FCRL2: variants seen among roughly 807,000 people sequenced by gnomAD.
The protein encoded by FCRL2 is Fc receptor-like protein 2.
Under a neutral mutation model 59.8 loss-of-function variants are expected in FCRL2, and 48 were observed. The observed-to-expected ratio is 0.80, with a 90% CI of 0.64 to 1.02. The LOEUF is 1.02. Ranked by LOEUF, FCRL2 falls within the 50% of genes least tolerant of loss-of-function variation. FCRL2 has a pLI of 0.00. For missense variants in FCRL2, 658 were observed against 597.3 expected (o/e 1.10, Z -1.06); for synonymous variants, 251 against 229.5 (o/e 1.09, Z -0.85).
intron 1 of FCRL2, among the ~76,000 whole-genome samples, 156 bp from the exon 2 acceptor site, chr1:157,775,951 C>A (rs757426871): frequency 6.6e-6 from 1 of 152,176 alleles, no homozygotes; most frequent in South Asian, 2.1e-4. Flanking sequence ...CAATCTCCCT[C>A]GAGCACACAT....
rs551667549 is a variant in FCRL2, at chr1:157,765,222, C to A, written c.1279+1633G>T. Among the ~76,000 whole-genome samples the A allele has an allele frequency of 1.1e-4, 16 of 152,232 alleles. No homozygotes were observed. In the South Asian group the frequency reaches 3.3e-3, roughly 32 times the overall value. The stretch of plus-strand genomic sequence containing the variant: ...AGATGGATAAATTCCTGGAAACATA[C>A]AATTTACCAAGATTGAATCAGGCAG... On this transcript the variant is annotated intron_variant, in intron 7 of 11. Coordinates refer to ENST00000361516, the MANE Select transcript of FCRL2 (RefSeq NM_030764.4).
intron 2 of FCRL2, among the ~76,000 whole-genome samples, chr1:157,771,414 C>A (rs1650010708): frequency 6.6e-6 from 1 of 152,162 alleles, no homozygotes; most frequent in Non-Finnish European, 1.5e-5. Flanking sequence ...CCAGATAAAA[C>A]CATCAAGTGG....
In FCRL2 at chr1:157,770,004, C is replaced by A. The variant is rs777986999; in HGVS notation, c.457G>T (p.Gly153Trp). The A allele has an allele frequency of 6.2e-7, 1 of 1,614,164 alleles. No homozygotes were observed. Among genetic ancestry groups the A allele is most frequent in the South Asian group, 1.1e-5 (1 of 91,078 alleles). Residue 153 changes from glycine to tryptophan, a missense_variant, in exon 4 of 12, where the codon GGG becomes TGG. Transcript: ENST00000361516. ...TCCGGAGAGCTGCTCCAGCCTGACC[C>A]CAGGACCTGGTTTTCTCTGAAGAAG... ...FCFFRENQVLGSGWSSSPELQ... is the reference protein window; with the variant it reads ...FCFFRENQVLWSGWSSSPELQ...
At chr1:157,757,888 G>A (rs1648723998) in intron 7 of FCRL2, among the ~76,000 whole-genome samples, 1 of 152,222 alleles carries the variant, frequency 6.6e-6, no homozygotes, top group African/African-American at 2.4e-5. Context: ...CGTGAACCCA[G>A]GAGGCAGAGC....
chr1:157,770,770 C>A, intron 2 of FCRL2, 104 bp from the exon 3 acceptor site: 1 of 1,264,316 alleles, frequency 7.9e-7, no homozygotes. Flanking sequence ...CTTCTTTAAA[C>A]AAGATGGAAG....
At chr1:157,750,259 A>G (rs1648088786) in intron 7 of FCRL2, among the ~76,000 whole-genome samples, 1 of 152,210 alleles carries the variant, frequency 6.6e-6, no homozygotes, top group Non-Finnish European at 1.5e-5. Flanking sequence ...GTGTTTAAAG[A>G]GAATCCTCAT....
At chr1:157,774,957 TA>T (rs1428419099) in intron 2 of FCRL2, among the ~76,000 whole-genome samples, 2 of 152,174 alleles carry the variant, frequency 1.3e-5, no homozygotes, top group Non-Finnish European at 2.9e-5. Flanking sequence ...ATTCTGTATA[TA>T]GAATAAAATA....
chr1:157,763,592 C>G (rs1453434033), intron 7 of FCRL2, among the ~76,000 whole-genome samples: 1 of 152,006 alleles, frequency 6.6e-6, no homozygotes, highest in Non-Finnish European at 1.5e-5. Context: ...AAAATGTTGC[C>G]CAACTCTGTG....
intron 6 of FCRL2, 102 bp downstream of exon 6, chr1:157,767,129 C>T: frequency 1.4e-6 from 2 of 1,428,660 alleles, no homozygotes; most frequent in Non-Finnish European, 1.9e-6. Context: ...AGCCACTGGA[C>T]ACTGAGATCA....
intron 2 of FCRL2, among the ~76,000 whole-genome samples, chr1:157,772,330 G>A (rs1650086527): frequency 6.6e-6 from 1 of 152,148 alleles, no homozygotes; most frequent in Non-Finnish European, 1.5e-5. Context: ...GAGACTTTGA[G>A]TTGGTCGTTA....
chr1:157,748,071 C>G (rs1427480641), intron 10 of FCRL2, among the ~76,000 whole-genome samples: 2 of 152,004 alleles, frequency 1.3e-5, no homozygotes, highest in Non-Finnish European at 2.9e-5. Flanking sequence ...CCAGGTGTCT[C>G]TTGCTCCCTC....
rs535685295 is a variant in FCRL2, at chr1:157,771,433, A to G, written c.53-767T>C. Among the ~76,000 whole-genome samples the G allele has an allele frequency of 3.3e-5, 5 of 152,320 alleles. No individual in the cohort carries two copies. The South Asian group carries it at 8.3e-4, about 25-fold the overall frequency. On this transcript the variant is annotated intron_variant, in intron 2 of 11. Transcript: ENST00000361516. Reference sequence around the variant, plus strand: ...ATAAAACCATCAAGTGGCGTAGATTATTGGGAATATGCCTGTTACTGGAAT... The same window carrying G: ...ATAAAACCATCAAGTGGCGTAGATTGTTGGGAATATGCCTGTTACTGGAAT...
At chr1:157,769,748 G>A (rs950754453) in intron 4 of FCRL2, 118 bp downstream of exon 4, 14 of 1,328,158 alleles carry the variant, frequency 1.1e-5, no homozygotes, top group Non-Finnish European at 1.3e-5. Context: ...GGTTTTTCTA[G>A]CTTAATTTTC....
chr1:157,768,716 G>A lies in FCRL2; in HGVS notation c.596-15C>T, dbSNP rs767051816. 1.9e-6 allele frequency: 3 copies of A among 1,584,524 alleles called. No individual in the cohort carries two copies. Among genetic ancestry groups the A allele is most frequent in the African/African-American group, 1.4e-5 (1 of 73,908 alleles). On this transcript the variant is annotated splice_polypyrimidine_tract_variant and intron_variant, in intron 4 of 11. Transcript: ENST00000361516. ...GATGGGGATTCCTAGATGGATATAA[G>A]ACAACAGGTGAGAACTCTAAGGGAA...
At position 157,747,386 on chromosome 1, in the gene FCRL2, G is replaced by C. The variant is rs115272582; in HGVS notation, c.1460-487C>G. Among the ~76,000 whole-genome samples, 1,426 of 152,286 alleles carry C rather than the reference G, an allele frequency of 9.4e-3. 10 individuals carry two copies. The highest frequency in any genetic ancestry group is 0.015 in the Non-Finnish European group (1,000 of 68,026). ...CTTCTTTTCCCCTTTTTCCAGGTAG[G>C]CATAGTGGGATGACATCCCTTTCCT... On this transcript the variant is annotated intron_variant, in intron 10 of 11. Transcript: ENST00000361516.
intron 7 of FCRL2, among the ~76,000 whole-genome samples, chr1:157,760,758 GAAAGAATGAAA>G (rs1649025196): frequency 1.6e-5 from 2 of 124,028 alleles, no homozygotes; most frequent in African/African-American, 6.0e-5. Flanking sequence ...AAAGAAAGAA[GAAAGAATGAAA>G]AAAGAAAGGA....
At chr1:157,751,721 A>G (rs1208550163) in intron 7 of FCRL2, among the ~76,000 whole-genome samples, 2 of 152,170 alleles carry the variant, frequency 1.3e-5, no homozygotes, top group Non-Finnish European at 2.9e-5. Flanking sequence ...ATAAGGGTGG[A>G]GGGGAAGAGG....
chr1:157,762,596 A>G (rs944801709), intron 7 of FCRL2, among the ~76,000 whole-genome samples: 11 of 152,236 alleles, frequency 7.2e-5, no homozygotes, highest in Non-Finnish European at 1.6e-4. Flanking sequence ...AACCTCTGAG[A>G]TCCCCAAGCA....
chr1:157,774,146 T>C (rs1005526800), intron 2 of FCRL2, among the ~76,000 whole-genome samples: 9 of 152,104 alleles, frequency 5.9e-5, no homozygotes, highest in African/African-American at 2.2e-4. Context: ...AAGTCCCAGG[T>C]GGTGAGTGCA....
Sources: gnomAD v4.1 joint callset for allele counts (sites outside exome capture counted in the v4.1 genomes callset) on GRCh38, gnomAD v4.1.1 for gene constraint, MANE v1.5 for transcripts, NCBI Gene and HGNC (gene_info 2026-07-23, HGNC 2026-07-21) for gene names.